Variants in TALDO1 observed in about 807,000 individuals in gnomAD.
TALDO1 encodes the protein transaldolase 1, also known as transaldolase.
Under a neutral mutation model 38.1 loss-of-function variants are expected in TALDO1, and 29 were observed. That is an observed-to-expected ratio of 0.76 (90% CI 0.57 to 1.04). The LOEUF is 1.04. TALDO1 is among the 50% of genes least tolerant of loss of function. The pLI, the probability that TALDO1 is intolerant of heterozygous loss-of-function variation, is 0.00. For synonymous variants in TALDO1, 207 were observed against 176.8 expected (o/e 1.17, Z -1.36); for missense variants, 499 against 438.1 (o/e 1.14, Z -1.24).
chr11:747,884 C>T (rs986063047), intron 1 of TALDO1, among the ~76,000 whole-genome samples: 4 of 152,228 alleles, frequency 2.6e-5, no homozygotes, highest in South Asian at 2.1e-4. Context: ...GTGAGGGGCT[C>T]GGTGCTGGGG....
In TALDO1 at chr11:764,897, G is replaced by C; in HGVS notation, c.*52G>C. 6.2e-7 allele frequency: 1 copy of C among 1,611,710 alleles called. No homozygotes were observed. On this transcript the variant is annotated 3_prime_UTR_variant, in exon 8 of 8. Transcript: ENST00000319006. ...CTGCACCGCCGGCCAGCTGGGATCT[G>C]ACTGCACGTGGCTTCTGATGAATCT...
Position 749,211 on chromosome 11 carries a change from T to C in TALDO1, c.97+1633T>C, listed in dbSNP as rs1456920200. 2.1e-4 allele frequency among the ~76,000 whole-genome samples: 32 copies of C among 152,212 alleles called. No homozygotes were observed. The East Asian group carries it at 6.0e-3, about 29-fold the overall frequency. On this transcript the variant is annotated intron_variant, in intron 1 of 7. Transcript: ENST00000319006. ...CGAGGTCAGGAGTTCGAGACCAGCCTGACCAACATGGTGAAACCCCGTCTC... is the reference window on the plus strand; with the variant it reads ...CGAGGTCAGGAGTTCGAGACCAGCCCGACCAACATGGTGAAACCCCGTCTC...
intron 4 of TALDO1, 146 bp from the exon 5 acceptor site, chr11:763,196 CCT>C: frequency 3.3e-6 from 1 of 306,008 alleles, no homozygotes. Context: ...CCTGCCCCGC[CCT>C]CACCTGCCCC....
chr11:757,823 T>C (rs573712122), intron 2 of TALDO1, among the ~76,000 whole-genome samples: 1 of 152,310 alleles, frequency 6.6e-6, no homozygotes, highest in East Asian at 1.9e-4. Context: ...TGTACAGAAC[T>C]GTGAATGTGC....
chr11:763,323 T>C lies in TALDO1; in HGVS notation c.462-21T>C, dbSNP rs528127490. On this transcript the variant is annotated intron_variant, in intron 4 of 7. Transcript: ENST00000319006. ...GTCCCCGCCCTCACCTGCCCCGCCC[T>C]CACCTGTCCCCGCCCCGCAGGGAGC... is the stretch of plus-strand genomic sequence containing the variant. 1.6e-4 allele frequency: 190 copies of C among 1,193,944 alleles called. 6 individuals are homozygous for C. In the Middle Eastern group the frequency reaches 8.8e-3, roughly 55 times the overall value. 74.0% of individuals were successfully genotyped at this position (1,193,944 alleles called of 1,614,324 possible).
chr11:764,019 G>T, intron 6 of TALDO1, 75 bp downstream of exon 6: 1 of 1,546,784 alleles, frequency 6.5e-7, no homozygotes, highest in Non-Finnish European at 8.7e-7. Context: ...CCCTGTGGGT[G>T]ATCCCTCCCA....
At chr11:752,605 C>T (rs1257004390) in intron 1 of TALDO1, 1 of 152,192 alleles carries the variant, frequency 6.6e-6, no homozygotes, top group Non-Finnish European at 1.5e-5. Flanking sequence ...GGACAGGGTT[C>T]AGGGAGCTTC....
intron 1 of TALDO1, among the ~76,000 whole-genome samples, chr11:751,525 G>T (rs1477665291): frequency 6.6e-6 from 1 of 152,112 alleles, no homozygotes; most frequent in East Asian, 1.9e-4. Context: ...TTTGGCTGGT[G>T]GCTTACGCCT....
intron 1 of TALDO1, among the ~76,000 whole-genome samples, chr11:750,702 G>T (rs866621013): frequency 2.0e-5 from 3 of 152,168 alleles, no homozygotes; most frequent in Middle Eastern, 3.4e-3. Flanking sequence ...GCGGGCGCCT[G>T]TAGTCCCAGC....
Position 759,745 on chromosome 11 carries a change from A to G in TALDO1, c.330-377A>G, listed in dbSNP as rs147912588. Among the ~76,000 whole-genome samples, 691 of 151,956 alleles carry G rather than the reference A, an allele frequency of 4.5e-3. 2 individuals carry two copies. Among genetic ancestry groups the G allele is most frequent in the Middle Eastern group, 0.017 (5 of 294 alleles). ...CAGACACCCGCCACCATACCCAGCT[A>G]ATTTTTTTGTATTTTTAGTAGCGAC... is the stretch of plus-strand genomic sequence containing the variant. On this transcript the variant is annotated intron_variant, in intron 3 of 7. Coordinates refer to ENST00000319006, the MANE Select transcript of TALDO1 (RefSeq NM_006755.2).
At chr11:764,497 G>A in intron 7 of TALDO1, 64 bp downstream of exon 7, 1 of 1,586,160 alleles carries the variant, frequency 6.3e-7, no homozygotes, top group South Asian at 1.1e-5. Context: ...CTGGGCGTCG[G>A]GGTTCAAGCT....
intron 1 of TALDO1, among the ~76,000 whole-genome samples, chr11:755,528 C>T (rs186825397): frequency 6.0e-4 from 92 of 152,278 alleles, no homozygotes; most frequent in African/African-American, 2.1e-3. Flanking sequence ...TGGCTCATGA[C>T]TAGACCGCGC....
At chr11:764,098 T>C (rs1446744966) in intron 6 of TALDO1, 154 bp downstream of exon 6, 1 of 1,345,286 alleles carries the variant, frequency 7.4e-7, no homozygotes, top group Admixed American at 2.0e-5. Context: ...TTGGCTTTCC[T>C]AACACATCTC....
chr11:755,933 C>T lies in TALDO1; in HGVS notation c.152C>T (p.Ala51Val), dbSNP rs1342357618. Residue 51 changes from alanine (A) to valine (V), a missense_variant, in exon 2 of 8, where the codon GCC (alanine) becomes GTC (valine). Ala to Val is a moderately conservative substitution (Grantham distance 64, BLOSUM62 0). Transcript: ENST00000319006. Reference protein sequence around the residue: ...DATTNPSLILAAAQMPAYQEL... With the variant: ...DATTNPSLILVAAQMPAYQEL... ...ACCACCAACCCGTCCCTGATCCTGGCCGCAGCACAGATGCCCGCTTACCAG... is the reference window on the plus strand; with the variant it reads ...ACCACCAACCCGTCCCTGATCCTGGTCGCAGCACAGATGCCCGCTTACCAG... 6.2e-7 allele frequency: 1 copy of T among 1,614,188 alleles called. No individual in the cohort carries two copies. The highest frequency in any genetic ancestry group is 8.5e-7 in the Non-Finnish European group (1 of 1,180,022).
chr11:749,033 A>C (rs1438545925), intron 1 of TALDO1, among the ~76,000 whole-genome samples: 2 of 152,158 alleles, frequency 1.3e-5, no homozygotes. Context: ...GGGCCAATAA[A>C]GATGGATTTT....
Position 760,158 on chromosome 11 carries a change from C to G in TALDO1, c.366C>G (p.Ala122=), listed in dbSNP as rs1324039219. The part of the protein sequence containing the change: ...SFDKDAMVAR[A]RRLIELYKEA... ...ATAAAGATGCGATGGTGGCCAGAGC[C>G]AGGCGGCTCATCGAGCTCTACAAGG... The change falls in exon 4 of 8, where the codon GCC becomes GCG. Residue 122 remains alanine (A), a synonymous_variant. Transcript: ENST00000319006. 1 of 1,614,024 alleles carries G rather than the reference C, an allele frequency of 6.2e-7. No homozygotes were observed. Among genetic ancestry groups the G allele is most frequent in the African/African-American group, 1.3e-5 (1 of 74,906 alleles).
At chr11:757,864 C>T (rs1436850506) in intron 2 of TALDO1, among the ~76,000 whole-genome samples, 4 of 152,132 alleles carry the variant, frequency 2.6e-5, no homozygotes, top group African/African-American at 9.7e-5. Context: ...GGGCTGGGGG[C>T]AGTGGTGCAC....
Position 748,974 on chromosome 11 carries a change from T to TAGGG in TALDO1, c.97+1397_97+1400dup, listed in dbSNP as rs557200305. 6.5e-4 allele frequency among the ~76,000 whole-genome samples: 99 copies of TAGGG among 152,292 alleles called. No individual in the cohort carries two copies. The Middle Eastern group carries it at 0.017, about 26-fold the overall frequency. On this transcript the variant is annotated intron_variant, in intron 1 of 7. Coordinates refer to ENST00000319006, the MANE Select transcript of TALDO1 (RefSeq NM_006755.2). The stretch of plus-strand genomic sequence containing the variant: ...TTGTTCCTTACTGGCCCTCACCAGT[T>TAGGG]AGGGCAGAGCTGGTGCGGAGTGTCA...
Position 747,496 on chromosome 11 carries a change from C to T in TALDO1, c.15C>T (p.Pro5=), listed in dbSNP as rs1355642218. 4 of 1,599,394 alleles carry T rather than the reference C, an allele frequency of 2.5e-6. No homozygotes were observed. In the Admixed American group the frequency reaches 5.1e-5, roughly 20 times the overall value. Residue 5 remains proline (P), a synonymous_variant, in exon 1 of 8, where the codon CCC becomes CCT. Coordinates refer to ENST00000319006, the MANE Select transcript of TALDO1 (RefSeq NM_006755.2). MSSS[P]VKRQRMESAL... ...TCGGTCTTGCTATGTCGAGCTCACCCGTGAAGCGTCAGAGGATGGAGTCCG... is the reference window on the plus strand; with the variant it reads ...TCGGTCTTGCTATGTCGAGCTCACCTGTGAAGCGTCAGAGGATGGAGTCCG...
Sources: gnomAD v4.1 joint callset for allele counts (sites outside exome capture counted in the v4.1 genomes callset) on GRCh38, gnomAD v4.1.1 for gene constraint, MANE v1.5 for transcripts, NCBI Gene and HGNC (gene_info 2026-07-23, HGNC 2026-07-21) for gene names.